Variants in BAZ1B observed in about 807,000 individuals in gnomAD.
The protein encoded by BAZ1B is bromodomain adjacent to zinc finger domain 1B.
Under a neutral mutation model 153.8 loss-of-function variants are expected in BAZ1B, and 22 were observed. The ratio of observed to expected loss-of-function variants is 0.14; its 90% CI spans 0.10 to 0.20. The LOEUF is 0.20. Ranked by LOEUF, BAZ1B falls within the 10% of genes least tolerant of loss-of-function variation. BAZ1B has a pLI of 1.00. For missense variants in BAZ1B, 1,325 were observed against 1,799.3 expected (o/e 0.74, Z 4.77); for synonymous variants, 676 against 633.4 (o/e 1.07, Z -1.01).
intron 2 of BAZ1B, among the ~76,000 whole-genome samples, chr7:73,509,168 A>C (rs1554578231): frequency 6.6e-6 from 1 of 151,730 alleles, no homozygotes; most frequent in Non-Finnish European, 1.5e-5. Context: ...CTCAAAATAC[A>C]AGAATTAGCC....
intron 7 of BAZ1B, among the ~76,000 whole-genome samples, chr7:73,472,239 G>A (rs1162599760): frequency 5.3e-5 from 8 of 151,850 alleles, no homozygotes; most frequent in African/African-American, 1.9e-4. Flanking sequence ...TGCTTCATCT[G>A]GAACACAGTT....
rs1789048996 is a variant in BAZ1B at position 73,477,771 on chromosome 7, C to T, written c.1690G>A (p.Glu564Lys). 6.2e-7 allele frequency: 1 copy of T among 1,614,202 alleles called. No individual in the cohort carries two copies. The highest frequency in any genetic ancestry group is 8.5e-7 in the Non-Finnish European group (1 of 1,180,040). Residue 564 changes from glutamate (E) to lysine (K), a missense_variant, in exon 7 of 20, where the codon GAA becomes AAA. Physicochemically the swap from Glu to Lys is moderately conservative, Grantham distance 56 (BLOSUM62 1). This residue lies in a region of BAZ1B where 154 missense variants were observed against 266.3 expected (regional missense o/e 0.58). Coordinates refer to ENST00000339594, the MANE Select transcript of BAZ1B (RefSeq NM_032408.4). The surrounding 1 kb of genome is among the most constrained non-coding windows in gnomAD (Gnocchi z 5.6). ...LKKKLKEKAKERREKEMLERL... is the reference protein window; with the variant it reads ...LKKKLKEKAKKRREKEMLERL... ...TCAAGCATTTCTTTCTCTCTTCGTT[C>T]TTTGGCTTTTTCCTTCAACTTCTTT...
chr7:73,480,173 A>G (rs1374099873), intron 6 of BAZ1B, among the ~76,000 whole-genome samples: 1 of 151,938 alleles, frequency 6.6e-6, no homozygotes, highest in Non-Finnish European at 1.5e-5. Context: ...AAAAAAAAAA[A>G]AGTGAGTGGT....
At chr7:73,442,583 C>A in intron 18 of BAZ1B, 30 bp from the exon 19 acceptor site, 1 of 1,592,412 alleles carries the variant, frequency 6.3e-7, no homozygotes, top group South Asian at 1.1e-5. Flanking sequence ...GGAGAATCTG[C>A]ACAGCCTTGA....
chr7:73,447,356 G>T lies in BAZ1B; in HGVS notation c.3752C>A (p.Ser1251Tyr), dbSNP rs782479672. Reference sequence around the variant, plus strand: ...ACTCTCATCATCTTCACTGTCCTCAGAAGCAGACTCTTCAGTATAGTTCCT... The same window carrying T: ...ACTCTCATCATCTTCACTGTCCTCATAAGCAGACTCTTCAGTATAGTTCCT... ...RGRNYTEESA[S>Y]EDSEDDESDE... The change falls in exon 16 of 20, where the codon TCT becomes TAT. Residue 1251 changes from serine (S) to tyrosine (Y), a missense_variant. Around this residue, in one of 9 missense-constraint regions of BAZ1B, gnomAD observed 271 missense variants for 337.2 expected, o/e 0.80. Coordinates refer to ENST00000339594, the MANE Select transcript of BAZ1B (RefSeq NM_032408.4). The T allele has an allele frequency of 6.2e-7, 1 of 1,613,456 alleles. No individual in the cohort carries two copies. Among genetic ancestry groups the T allele is most frequent in the Non-Finnish European group, 8.5e-7 (1 of 1,179,790 alleles).
chr7:73,479,986 G>A (rs781877348), intron 6 of BAZ1B, among the ~76,000 whole-genome samples: 17 of 151,956 alleles, frequency 1.1e-4, no homozygotes, highest in African/African-American at 1.7e-4. Context: ...TGGCTAACAC[G>A]GTGAAACCCA....
rs2116341266 is a variant in BAZ1B at position 73,478,546 on chromosome 7, A to T, written c.915T>A (p.Thr305=). ...PYKYMTLNPS[T]KRKNTGSPDR... ...CTGGGGATCCAGTATTCTTCCTCTTAGTAGAAGGGTTGAGAGTCATATACT... is the reference window on the plus strand; with the variant it reads ...CTGGGGATCCAGTATTCTTCCTCTTTGTAGAAGGGTTGAGAGTCATATACT... The change falls in exon 7 of 20, where the codon ACT becomes ACA. Residue 305 remains threonine (T), a synonymous_variant. Transcript: ENST00000339594. 1 of 1,547,254 alleles carries T rather than the reference A, an allele frequency of 6.5e-7. No individual in the cohort carries two copies. The highest frequency in any genetic ancestry group is 2.3e-5 in the East Asian group (1 of 44,306).
chr7:73,488,372 AAT>A (rs1425925993), intron 6 of BAZ1B, among the ~76,000 whole-genome samples: 5 of 152,142 alleles, frequency 3.3e-5, no homozygotes, highest in African/African-American at 1.2e-4. Context: ...TGTAAAATGA[AAT>A]ATATATATGT....
chr7:73,482,766 G>A (rs1457825689), intron 6 of BAZ1B, among the ~76,000 whole-genome samples: 2 of 152,090 alleles, frequency 1.3e-5, no homozygotes, highest in African/African-American at 4.8e-5. Flanking sequence ...TTATTCGTAA[G>A]GTGTGTTTTT....
intron 7 of BAZ1B, 62 bp downstream of exon 7, chr7:73,476,806 A>G: frequency 6.5e-7 from 1 of 1,529,248 alleles, no homozygotes; most frequent in Non-Finnish European, 8.7e-7. Context: ...TTACCTCAGT[A>G]ATTTCCTTTC....
chr7:73,491,984 C>T (rs1051816549), intron 5 of BAZ1B, among the ~76,000 whole-genome samples: 6 of 146,414 alleles, frequency 4.1e-5, no homozygotes, highest in Non-Finnish European at 7.5e-5. Flanking sequence ...ATCAGCAAAA[C>T]GCTTTTTTTT....
intron 1 of BAZ1B, among the ~76,000 whole-genome samples, chr7:73,519,570 TACC>T (rs1193635532): frequency 6.6e-6 from 1 of 152,252 alleles, no homozygotes; most frequent in East Asian, 1.9e-4. Flanking sequence ...ATTAAATACA[TACC>T]ACTTAAAATG....
chr7:73,483,974 A>G (rs1554574114), intron 6 of BAZ1B, among the ~76,000 whole-genome samples: 1 of 152,188 alleles, frequency 6.6e-6, no homozygotes, highest in Non-Finnish European at 1.5e-5. Flanking sequence ...GCGAGACTTT[A>G]AAGAAAAATC....
Position 73,470,454 on chromosome 7 carries a change from G to T in BAZ1B, c.2623C>A (p.Arg875=). 6.2e-7 allele frequency: 1 copy of T among 1,613,686 alleles called. No individual in the cohort carries two copies. The highest frequency in any genetic ancestry group is 8.5e-7 in the Non-Finnish European group (1 of 1,179,936). ...VKLERQAEEE[R]IRKHKAAAEK... is the part of the protein sequence containing the mutation. The stretch of plus-strand genomic sequence containing the variant: ...GCAGCTGCTTTGTGCTTCCGTATTC[G>T]TTCTTCTTCAGCTTGGCGTTCCAGT... The change falls in exon 8 of 20, where the codon CGA becomes AGA. Residue 875 remains arginine, a synonymous_variant. Transcript: ENST00000339594.
intron 7 of BAZ1B, among the ~76,000 whole-genome samples, chr7:73,475,295 A>G (rs1159380554): frequency 1.3e-5 from 2 of 152,366 alleles, no homozygotes; most frequent in East Asian, 3.9e-4. Context: ...AGCATTGTTC[A>G]TAATAGGTAA....
intron 13 of BAZ1B, among the ~76,000 whole-genome samples, chr7:73,451,470 T>C (rs1001232114): frequency 1.3e-5 from 2 of 152,168 alleles, no homozygotes; most frequent in East Asian, 3.8e-4. Flanking sequence ...TCATGGGCTT[T>C]AAAATACAGG....
Position 73,494,836 on chromosome 7 carries a change from G to A in BAZ1B, c.572-1915C>T, listed in dbSNP as rs1213007031. ...TTCCAGTTCGTGACCAACTAGACGTGAGAATGTTAAAGGTATTTTAACTTT... is the reference window on the plus strand; with the variant it reads ...TTCCAGTTCGTGACCAACTAGACGTAAGAATGTTAAAGGTATTTTAACTTT... On this transcript the variant is annotated intron_variant, in intron 4 of 19. Coordinates refer to ENST00000339594, the MANE Select transcript of BAZ1B (RefSeq NM_032408.4). Among the ~76,000 whole-genome samples the A allele has an allele frequency of 2.6e-5, 4 of 152,238 alleles. No homozygotes were observed. The East Asian group carries it at 7.7e-4, about 29-fold the overall frequency.
At chr7:73,467,939 T>C (rs1297841150) in intron 9 of BAZ1B, among the ~76,000 whole-genome samples, 2 of 152,226 alleles carry the variant, frequency 1.3e-5, no homozygotes, top group Non-Finnish European at 2.9e-5. Context: ...ACATAATCTA[T>C]GCTCGATATA....
At chr7:73,467,119 G>C (rs1554571287) in intron 9 of BAZ1B, among the ~76,000 whole-genome samples, 1 of 152,038 alleles carries the variant, frequency 6.6e-6, no homozygotes, top group Non-Finnish European at 1.5e-5. Context: ...TTTTAGTAGA[G>C]ATGGGGTTTC....
Sources: allele counts gnomAD v4.1 joint callset (sites outside exome capture counted in the v4.1 genomes callset), GRCh38; gene constraint gnomAD v4.1.1; regional missense constraint gnomAD v4.1.1; non-coding constraint Gnocchi (gnomAD v3.1); transcripts MANE v1.5; gene names NCBI Gene and HGNC (gene_info 2026-07-23, HGNC 2026-07-21).